Variants in LRP1B observed in about 807,000 individuals in gnomAD.
The protein encoded by LRP1B is LDL receptor related protein 1B, also known as low-density lipoprotein receptor-related protein 1B.
LRP1B carries 217 observed loss-of-function variants against 556.6 expected under a neutral mutation model. The observed-to-expected ratio is 0.39, with a 90% CI of 0.35 to 0.44. The LOEUF (loss-of-function observed/expected upper bound fraction) is 0.44. Ranked by LOEUF, LRP1B falls within the 20% of genes least tolerant of loss-of-function variation. LRP1B has a pLI of 1.00. For synonymous variants in LRP1B, 2,047 were observed against 1,865.8 expected (o/e 1.10, Z -2.50); for missense variants, 5,053 against 5,620.8 (o/e 0.90, Z 3.23).
intron 3 of LRP1B, among the ~76,000 whole-genome samples, chr2:141,291,914 A>T (rs891188742): frequency 6.7e-6 from 1 of 148,716 alleles, no homozygotes; most frequent in African/African-American, 2.5e-5. Context: ...ACAAAATTTG[A>T]CTTATTGTAA....
At position 140,524,715 on chromosome 2, in the gene LRP1B, T is replaced by C. The variant is rs186474761; in HGVS notation, c.8026+1129A>G. 3.9e-5 allele frequency among the ~76,000 whole-genome samples: 6 copies of C among 151,980 alleles called. No individual in the cohort carries two copies. The Admixed American group carries it at 3.9e-4, about 10-fold the overall frequency. On this transcript the variant is annotated intron_variant, in intron 49 of 90. Coordinates refer to ENST00000389484, the MANE Select transcript of LRP1B (RefSeq NM_018557.3). ...CAAGAACAGAAAACCATATATCACA[T>C]GTTCCCAGTTGCAAGTGGGAGCTAA...
chr2:140,814,975 T>C (rs769428840), intron 31 of LRP1B, among the ~76,000 whole-genome samples: 35 of 152,182 alleles, frequency 2.3e-4, no homozygotes, highest in Admixed American at 4.6e-4. Context: ...GCAGAATCAG[T>C]ATCCACATTT....
At chr2:140,560,854 A>G (rs754667811) in intron 43 of LRP1B, among the ~76,000 whole-genome samples, 7 of 152,208 alleles carry the variant, frequency 4.6e-5, no homozygotes, top group Non-Finnish European at 8.8e-5. Flanking sequence ...TGTAAAGGCA[A>G]TTACATGAGG....
chr2:141,751,454 G>A (rs927501039), intron 2 of LRP1B, among the ~76,000 whole-genome samples: 79 of 152,184 alleles, frequency 5.2e-4, no homozygotes, highest in African/African-American at 1.8e-3. Flanking sequence ...TAAATGTGTT[G>A]TGATAAAAAA....
intron 67 of LRP1B, among the ~76,000 whole-genome samples, chr2:140,385,388 A>T (rs1176199597): frequency 6.6e-6 from 1 of 152,218 alleles, no homozygotes; most frequent in Non-Finnish European, 1.5e-5. Flanking sequence ...GAGAAGACAG[A>T]TGATAACAAT....
intron 25 of LRP1B, among the ~76,000 whole-genome samples, chr2:140,873,009 T>C (rs1055460658): frequency 6.6e-6 from 1 of 152,152 alleles, no homozygotes; most frequent in Non-Finnish European, 1.5e-5. Flanking sequence ...TTAAATCAAA[T>C]ACTTTATCAG....
At chr2:141,494,150 G>T (rs1021243395) in intron 2 of LRP1B, among the ~76,000 whole-genome samples, 6 of 152,150 alleles carry the variant, frequency 3.9e-5, no homozygotes, top group South Asian at 2.1e-4. Flanking sequence ...GGCCTGGTTA[G>T]CTCAGCAGGT....
intron 41 of LRP1B, among the ~76,000 whole-genome samples, chr2:140,610,637 G>A (rs1289425083): frequency 6.6e-6 from 1 of 152,158 alleles, no homozygotes; most frequent in African/African-American, 2.4e-5. Flanking sequence ...CCAGGCTGGA[G>A]TGCAGTGGTG....
intron 18 of LRP1B, among the ~76,000 whole-genome samples, chr2:140,978,520 G>A (rs1997078): frequency 0.91 from 139,177 of 152,150 alleles, 64,449 homozygotes; most frequent in Non-Finnish European, 0.99. Flanking sequence ...TATGAATTTT[G>A]TAATAAAACT....
At chr2:141,634,260 T>C (rs1057067180) in intron 2 of LRP1B, among the ~76,000 whole-genome samples, 1 of 151,992 alleles carries the variant, frequency 6.6e-6, no homozygotes, top group Non-Finnish European at 1.5e-5. Context: ...GGAACTGTAT[T>C]CCTGAGCAGG....
At chr2:140,413,235 G>T (rs886444530) in intron 66 of LRP1B, among the ~76,000 whole-genome samples, 1 of 152,038 alleles carries the variant, frequency 6.6e-6, no homozygotes, top group Non-Finnish European at 1.5e-5. Context: ...TATCCTCAAG[G>T]TTATATTTGG....
At chr2:141,083,512 A>G (rs756467652) in intron 7 of LRP1B, among the ~76,000 whole-genome samples, 2 of 152,194 alleles carry the variant, frequency 1.3e-5, no homozygotes, top group African/African-American at 2.4e-5. Flanking sequence ...GGCAAAAACT[A>G]CTGTCATGGT....
chr2:142,130,081 G>A (rs1475570411), intron 1 of LRP1B, among the ~76,000 whole-genome samples: 1 of 152,110 alleles, frequency 6.6e-6, no homozygotes, highest in East Asian at 1.9e-4. Context: ...GCGTGCGCCC[G>A]GAATCGTCCT....
chr2:140,369,729 T>C (rs975938679), intron 71 of LRP1B, among the ~76,000 whole-genome samples: 1 of 151,942 alleles, frequency 6.6e-6, no homozygotes, highest in African/African-American at 2.4e-5. Context: ...GGAGATATTA[T>C]CTAATCATAA....
intron 66 of LRP1B, among the ~76,000 whole-genome samples, chr2:140,420,160 GAAA>G (rs773436187): frequency 2.7e-5 from 4 of 149,518 alleles, no homozygotes; most frequent in Non-Finnish European, 4.4e-5. Context: ...ATTTATAGCA[GAAA>G]AAAAAACTTG....
chr2:141,991,370 G>C (rs1459048622), intron 1 of LRP1B, among the ~76,000 whole-genome samples: 1 of 151,876 alleles, frequency 6.6e-6, no homozygotes, highest in East Asian at 1.9e-4. Context: ...AAAATTCCAC[G>C]TTTTGTAATT....
chr2:140,609,817 A>T (rs1683004331), intron 41 of LRP1B, among the ~76,000 whole-genome samples: 1 of 152,084 alleles, frequency 6.6e-6, no homozygotes, highest in African/African-American at 2.4e-5. Context: ...CCCAAATGTC[A>T]TTCTTGTCAA....
intron 3 of LRP1B, among the ~76,000 whole-genome samples, chr2:141,365,172 G>A (rs911550859): frequency 6.6e-6 from 1 of 152,090 alleles, no homozygotes; most frequent in Non-Finnish European, 1.5e-5. Context: ...GCTTCTCTGT[G>A]AAACTCTTCC....
chr2:141,144,596 T>C (rs947861963), intron 7 of LRP1B, among the ~76,000 whole-genome samples: 1 of 152,188 alleles, frequency 6.6e-6, no homozygotes, highest in Non-Finnish European at 1.5e-5. Context: ...CTGGTCACTT[T>C]ATAACCATAC....
Sources: allele counts gnomAD v4.1 joint callset (sites outside exome capture counted in the v4.1 genomes callset), GRCh38; gene constraint gnomAD v4.1.1; transcripts MANE v1.5; gene names NCBI Gene and HGNC (gene_info 2026-07-23, HGNC 2026-07-21).